Variants in ROBO1 observed in about 807,000 individuals in gnomAD.
ROBO1 encodes the protein roundabout guidance receptor 1, also known as roundabout homolog 1.
In ROBO1, 149 loss-of-function variants were observed where a neutral mutation model predicts 195.9. The observed-to-expected ratio is 0.76, with a 90% CI of 0.67 to 0.87. The LOEUF is 0.87. ROBO1 is among the 40% of genes least tolerant of loss of function. ROBO1 has a pLI of 0.00. For synonymous variants in ROBO1, 816 were observed against 733.2 expected (o/e 1.11, Z -1.82); for missense variants, 1,933 against 2,068.3 (o/e 0.93, Z 1.27).
intron 3 of ROBO1, among the ~76,000 whole-genome samples, chr3:78,989,607 C>T (rs1258409686): frequency 6.6e-6 from 1 of 152,054 alleles, no homozygotes; most frequent in Non-Finnish European, 1.5e-5. Flanking sequence ...GAGTGAGACG[C>T]TGTCTGAAAA....
chr3:78,849,463 G>A (rs966783992), intron 4 of ROBO1, among the ~76,000 whole-genome samples: 11 of 152,196 alleles, frequency 7.2e-5, no homozygotes, highest in Admixed American at 2.6e-4. Context: ...CTGGCTGAGT[G>A]AAAGTGATTT....
chr3:79,766,583 TGGAGCGGCAGCCCAG>T (rs1254468039), intron 1 of ROBO1, among the ~76,000 whole-genome samples: 9 of 151,246 alleles, frequency 6.0e-5, no homozygotes, highest in Admixed American at 1.3e-4. Flanking sequence ...CTGCCCCGGG[TGGAGCGGCAGCCCAG>T]GCTGCAGCAG....
intron 3 of ROBO1, among the ~76,000 whole-genome samples, chr3:78,959,221 G>A (rs2041212962): frequency 6.6e-6 from 1 of 152,072 alleles, no homozygotes; most frequent in Admixed American, 6.5e-5. Flanking sequence ...GATATAAACT[G>A]TTTTAAAACA....
intron 2 of ROBO1, among the ~76,000 whole-genome samples, chr3:79,389,181 AAACT>A (rs1327287957): frequency 6.6e-6 from 1 of 152,026 alleles, no homozygotes; most frequent in East Asian, 1.9e-4. Flanking sequence ...ATAGAATAAA[AAACT>A]AACCCTGAAT....
At chr3:78,696,513 T>C (rs1032966090) in intron 8 of ROBO1, among the ~76,000 whole-genome samples, 4 of 152,046 alleles carry the variant, frequency 2.6e-5, no homozygotes, top group African/African-American at 9.7e-5. Context: ...ATTTTCCTGC[T>C]GGCTAATCAA....
intron 2 of ROBO1, among the ~76,000 whole-genome samples, chr3:79,155,338 G>A (rs1185902944): frequency 2.0e-5 from 3 of 151,710 alleles, no homozygotes; most frequent in African/African-American, 7.3e-5. Flanking sequence ...AATTGTCCTT[G>A]TATTGAATTG....
chr3:79,738,461 A>G (rs149233501), intron 1 of ROBO1, among the ~76,000 whole-genome samples: 125 of 152,330 alleles, frequency 8.2e-4, no homozygotes, highest in African/African-American at 2.7e-3. Context: ...TTTTCTGATC[A>G]GTCATGCTGA....
chr3:79,497,338 G>A (rs1939802355), intron 2 of ROBO1, among the ~76,000 whole-genome samples: 1 of 151,772 alleles, frequency 6.6e-6, no homozygotes, highest in Admixed American at 6.6e-5. Flanking sequence ...TTTATTTTTC[G>A]TTAACCTGTA....
At chr3:79,730,428 T>C (rs1703096461) in intron 1 of ROBO1, among the ~76,000 whole-genome samples, 1 of 152,188 alleles carries the variant, frequency 6.6e-6, no homozygotes, top group South Asian at 2.1e-4. Context: ...ATATATATGA[T>C]CAAAATTAAT....
In ROBO1 at chr3:78,631,319, A is replaced by G; in HGVS notation, c.3482-14T>C. Reference sequence around the variant, plus strand: ...GCCCCTGACTCCCTAGAAAGGAAATAAAATAGAAGCCATTGATCTCTGGCC... The same window carrying G: ...GCCCCTGACTCCCTAGAAAGGAAATGAAATAGAAGCCATTGATCTCTGGCC... On this transcript the variant is annotated splice_polypyrimidine_tract_variant and intron_variant, in intron 24 of 30. Transcript: ENST00000464233. 2 of 1,611,628 alleles carry G rather than the reference A, an allele frequency of 1.2e-6. No individual in the cohort carries two copies. The highest frequency in any genetic ancestry group is 1.7e-6 in the Non-Finnish European group (2 of 1,178,540).
At chr3:78,786,740 G>A (rs1348618920) in intron 4 of ROBO1, among the ~76,000 whole-genome samples, 1 of 152,038 alleles carries the variant, frequency 6.6e-6, no homozygotes, top group Non-Finnish European at 1.5e-5. Flanking sequence ...CCCCTCCTTT[G>A]CCTTCCACCA....
At chr3:78,796,883 C>T (rs528051937) in intron 4 of ROBO1, among the ~76,000 whole-genome samples, 3 of 152,224 alleles carry the variant, frequency 2.0e-5, no homozygotes, top group African/African-American at 7.2e-5. Flanking sequence ...CTTTTCATCT[C>T]CTTCAGAAAA....
intron 8 of ROBO1, among the ~76,000 whole-genome samples, chr3:78,694,292 A>G (rs1399219161): frequency 6.6e-6 from 1 of 152,170 alleles, no homozygotes; most frequent in East Asian, 1.9e-4. Flanking sequence ...AACCTACAAT[A>G]TATTTTACTC....
At chr3:78,690,942 C>G (rs185056710) in intron 8 of ROBO1, among the ~76,000 whole-genome samples, 18 of 152,140 alleles carry the variant, frequency 1.2e-4, no homozygotes, top group Non-Finnish European at 2.1e-4. Context: ...GAATACAAAC[C>G]CTTATGCTAA....
intron 3 of ROBO1, among the ~76,000 whole-genome samples, chr3:79,005,013 A>T (rs2077588914): frequency 6.6e-6 from 1 of 152,236 alleles, no homozygotes. Context: ...TATCATCTAT[A>T]GAAACAATTT....
At chr3:78,990,518 A>AT (rs2077212180) in intron 3 of ROBO1, among the ~76,000 whole-genome samples, 1 of 152,150 alleles carries the variant, frequency 6.6e-6, no homozygotes, top group Non-Finnish European at 1.5e-5. Flanking sequence ...TTGGATTCAT[A>AT]TTTTCAATAT....
intron 2 of ROBO1, among the ~76,000 whole-genome samples, chr3:79,572,213 AAG>A (rs1397480063): frequency 2.0e-5 from 3 of 152,096 alleles, no homozygotes; most frequent in South Asian, 2.1e-4. Context: ...TTAAATATTA[AAG>A]ACCTTTGTTA....
intron 4 of ROBO1, among the ~76,000 whole-genome samples, chr3:78,798,914 T>A (rs549609806): frequency 6.6e-6 from 1 of 152,272 alleles, no homozygotes; most frequent in Admixed American, 6.5e-5. Context: ...ATCAATAAGC[T>A]GGGAAGAGAC....
intron 4 of ROBO1, among the ~76,000 whole-genome samples, chr3:78,918,113 G>A (rs925409321): frequency 2.6e-5 from 4 of 152,152 alleles, no homozygotes; most frequent in Admixed American, 2.0e-4. Context: ...TAGATTGTGA[G>A]CATTCAAGTC....
Sources: gnomAD v4.1 joint callset for allele counts (sites outside exome capture counted in the v4.1 genomes callset) on GRCh38, gnomAD v4.1.1 for gene constraint, MANE v1.5 for transcripts, NCBI Gene and HGNC (gene_info 2026-07-23, HGNC 2026-07-21) for gene names.